Variants in TXNDC11 observed in about 807,000 individuals in gnomAD.
TXNDC11 encodes thioredoxin domain-containing protein 11.
Under a neutral mutation model 78.0 loss-of-function variants are expected in TXNDC11, and 68 were observed. The ratio of observed to expected loss-of-function variants is 0.87; its 90% CI spans 0.72 to 1.07. The LOEUF (loss-of-function observed/expected upper bound fraction) is 1.07, where lower values mean the gene tolerates loss of function less well. Ranked by LOEUF, TXNDC11 falls within the 50% of genes least tolerant of loss-of-function variation. The pLI is 0.00. For synonymous variants in TXNDC11, 571 were observed against 495.2 expected, an observed-to-expected ratio of 1.15 and a Z score of -2.03; for missense variants, 1,389 against 1,221.8, an observed-to-expected ratio of 1.14 and a Z score of -2.04.
chr16:11,738,078 C>A (rs1390457263), intron 1 of TXNDC11, among the ~76,000 whole-genome samples: 1 of 151,888 alleles, frequency 6.6e-6, no homozygotes, highest in Non-Finnish European at 1.5e-5. Flanking sequence ...ATATTCTTAC[C>A]CATTTACTTA....
Position 11,719,596 on chromosome 16 carries a change from A to T in TXNDC11, c.793+1981T>A, listed in dbSNP as rs147999082. Among the ~76,000 whole-genome samples the T allele has an allele frequency of 1.5e-3, 233 of 152,290 alleles. 1 individual carries two copies. In the Middle Eastern group the frequency reaches 0.024, roughly 16 times the overall value. On this transcript the variant is annotated intron_variant, in intron 5 of 11. Transcript: ENST00000283033. ...AAAAATAATAAAAGAATAGTTACATATTTTTGGTTGATCTCCTGGGGGAAG... is the reference window on the plus strand; with the variant it reads ...AAAAATAATAAAAGAATAGTTACATTTTTTTGGTTGATCTCCTGGGGGAAG...
intron 8 of TXNDC11, 143 bp downstream of exon 8, chr16:11,691,147 C>T (rs2050702146): frequency 1.5e-6 from 1 of 660,176 alleles, no homozygotes; most frequent in African/African-American, 1.8e-5. Context: ...AAAATTATGA[C>T]TGATGGTGGT....
chr16:11,696,640 T>C (rs1461116211), intron 7 of TXNDC11, among the ~76,000 whole-genome samples: 1 of 152,144 alleles, frequency 6.6e-6, no homozygotes, highest in African/African-American at 2.4e-5. Context: ...CTCACCCACA[T>C]GCTGAAGTTA....
intron 10 of TXNDC11, among the ~76,000 whole-genome samples, chr16:11,685,075 A>AC (rs1362068943): frequency 2.8e-4 from 43 of 152,236 alleles, no homozygotes; most frequent in African/African-American, 1.0e-3. Context: ...AAAAAATGGC[A>AC]CAACCAGGCT....
chr16:11,721,677 G>T lies in TXNDC11; in HGVS notation c.700-7C>A. On this transcript the variant is annotated splice_polypyrimidine_tract_variant and splice_region_variant and intron_variant, in intron 4 of 11. Coordinates refer to ENST00000283033, the MANE Select transcript of TXNDC11 (RefSeq NM_015914.7). ...AGTACCCGAGTACTCCAGGCTGCAG[G>T]AAAAAGAGCAGAATTAGGTAACTGA... 6.3e-7 allele frequency: 1 copy of T among 1,593,834 alleles called. No individual in the cohort carries two copies. Among genetic ancestry groups the T allele is most frequent in the South Asian group, 1.1e-5 (1 of 90,182 alleles).
intron 5 of TXNDC11, among the ~76,000 whole-genome samples, chr16:11,719,293 G>A (rs2051633991): frequency 6.6e-6 from 1 of 152,190 alleles, no homozygotes. Context: ...TCCATGAAGA[G>A]CTTTGAATGG....
intron 5 of TXNDC11, among the ~76,000 whole-genome samples, chr16:11,717,018 G>A (rs775022176): frequency 4.6e-5 from 7 of 150,746 alleles, no homozygotes; most frequent in Admixed American, 6.6e-5. Context: ...TATATTTTAA[G>A]CCAAAGTAAA....
At chr16:11,711,856 A>G (rs991260711) in intron 5 of TXNDC11, among the ~76,000 whole-genome samples, 8 of 152,226 alleles carry the variant, frequency 5.3e-5, no homozygotes, top group African/African-American at 1.9e-4. Flanking sequence ...AAAGGGTGAC[A>G]GTGAAGACTG....
chr16:11,696,301 C>A (rs1281240011), intron 7 of TXNDC11, among the ~76,000 whole-genome samples: 1 of 152,168 alleles, frequency 6.6e-6, no homozygotes, highest in East Asian at 1.9e-4. Context: ...AATACTTCAC[C>A]CATCCAAAGC....
intron 1 of TXNDC11, among the ~76,000 whole-genome samples, chr16:11,740,145 A>AT (rs1029051607): frequency 5.7e-5 from 8 of 139,648 alleles, no homozygotes; most frequent in African/African-American, 2.5e-4. Context: ...GTGAGCCAAG[A>AT]TAAAAAAAAA....
At position 11,698,156 on chromosome 16, in the gene TXNDC11, G is replaced by A. The variant is rs1206938243; in HGVS notation, c.1076C>T (p.Pro359Leu). Residue 359 changes from proline (P) to leucine (L), a missense_variant, in exon 7 of 12, where the codon CCC becomes CTC. Pro to Leu is a moderately conservative substitution (Grantham distance 98, BLOSUM62 -3). Transcript: ENST00000283033. ...TATTAAAGGATGACTTTCGGCCAGG[G>A]GATTAAAAGGTATGAACAGAAACAG... ...PALFLFIPFN[P>L]LAESHPLIDE... The A allele has an allele frequency of 3.1e-6, 5 of 1,614,188 alleles. No individual in the cohort carries two copies. The highest frequency in any genetic ancestry group is 1.1e-5 in the South Asian group (1 of 91,084).
chr16:11,691,218 C>A (rs1319779339), intron 8 of TXNDC11, 72 bp downstream of exon 8: 1 of 1,268,664 alleles, frequency 7.9e-7, no homozygotes, highest in Non-Finnish European at 1.1e-6. Context: ...TAATGAGAGC[C>A]ATCAATAAAA....
At chr16:11,713,698 G>C (rs185528865) in intron 5 of TXNDC11, among the ~76,000 whole-genome samples, 1 of 152,164 alleles carries the variant, frequency 6.6e-6, no homozygotes. Flanking sequence ...TTACAGGTAT[G>C]AGCCACAGCG....
chr16:11,700,533 G>C lies in TXNDC11; in HGVS notation c.825C>G (p.Ile275Met), dbSNP rs1425110348. ...DYLGTVRFGV[I>M]TNKHLAKLVS... is the part of the protein sequence containing the mutation. ...CCAGTTTCGCAAGATGTTTATTTGT[G>C]ATAACCCCAAATCGTACTGTTCCTA... Residue 275 changes from isoleucine (I) to methionine (M), a missense_variant, in exon 6 of 12, where the codon ATC becomes ATG. Transcript: ENST00000283033. The C allele has an allele frequency of 1.9e-6, 3 of 1,606,040 alleles. No individual in the cohort carries two copies. The highest frequency in any genetic ancestry group is 2.6e-6 in the Non-Finnish European group (3 of 1,172,946).
chr16:11,679,588 G>A lies in TXNDC11; in HGVS notation c.2484C>T (p.Leu828=), dbSNP rs746394968. The part of the protein sequence containing the change: ...QRAQVQVESQ[L]SSARRDEHRL... ...GGTGCTCATCTCTGCGGGCACTGGA[G>A]AGCTGGGACTCCACCTGCACTTGTG... The change falls in exon 12 of 12, where the codon CTC becomes CTT. Residue 828 remains leucine, a synonymous_variant. Transcript: ENST00000283033. The surrounding 1 kb of genome is among the most constrained non-coding windows in gnomAD (Gnocchi z 4.6). The A allele has an allele frequency of 1.1e-5, 17 of 1,614,148 alleles. 1 individual carries two copies. Among genetic ancestry groups the A allele is most frequent in the Non-Finnish European group, 5.1e-6 (6 of 1,180,038 alleles).
chr16:11,685,313 T>C (rs1475100702), intron 10 of TXNDC11, among the ~76,000 whole-genome samples: 3 of 152,010 alleles, frequency 2.0e-5, no homozygotes, highest in African/African-American at 7.3e-5. Flanking sequence ...ATTGCACCAC[T>C]GCATTCCAGC....
chr16:11,722,278 G>C (rs1485213308), intron 4 of TXNDC11, among the ~76,000 whole-genome samples: 1 of 152,048 alleles, frequency 6.6e-6, no homozygotes, highest in Non-Finnish European at 1.5e-5. Flanking sequence ...CCCGCCTCTG[G>C]CCCTCTGGCT....
chr16:11,700,637 G>T, intron 5 of TXNDC11, 73 bp from the exon 6 acceptor site: 2 of 736,830 alleles, frequency 2.7e-6, no homozygotes, highest in South Asian at 1.7e-5. Context: ...CAGTGATCAA[G>T]TCTTGAAGCA....
intron 5 of TXNDC11, among the ~76,000 whole-genome samples, chr16:11,702,059 T>C (rs1277222963): frequency 6.8e-6 from 1 of 146,548 alleles, no homozygotes; most frequent in Non-Finnish European, 1.5e-5. Flanking sequence ...AAAAGTTATG[T>C]GTGTGTATGT....
Sources: allele counts gnomAD v4.1 joint callset (sites outside exome capture counted in the v4.1 genomes callset), GRCh38; gene constraint gnomAD v4.1.1; non-coding constraint Gnocchi (gnomAD v3.1); transcripts MANE v1.5; gene names NCBI Gene and HGNC (gene_info 2026-07-23, HGNC 2026-07-21).